The following USH2A variants were observed in gnomAD, a reference collection of about 807,000 sequenced individuals.
The protein encoded by USH2A is Usher syndrome 2A (autosomal recessive, mild).
In USH2A, 443 loss-of-function variants were observed where a neutral mutation model predicts 538.9. The observed-to-expected ratio is 0.82, with a 90% CI of 0.76 to 0.89. USH2A has a LOEUF of 0.89. USH2A is among the 40% of genes least tolerant of loss of function. USH2A has a pLI of 0.00. For synonymous variants in USH2A, 2,413 were observed against 2,273.5 expected, an observed-to-expected ratio of 1.06 and a Z score of -1.75; for missense variants, 6,633 against 6,324.8, an observed-to-expected ratio of 1.05 and a Z score of -1.65.
chr1:216,071,551 C>T (rs950947526), intron 29 of USH2A, among the ~76,000 whole-genome samples: 29 of 152,266 alleles, frequency 1.9e-4, no homozygotes, highest in African/African-American at 6.3e-4. Flanking sequence ...CATGTAGCTG[C>T]TCAGTGTTGT....
At chr1:215,685,351 GTTGT>G (rs1658388390) in intron 61 of USH2A, among the ~76,000 whole-genome samples, 5 of 82,302 alleles carry the variant, frequency 6.1e-5, no homozygotes, top group African/African-American at 1.6e-4. Context: ...TTTTGTTGTT[GTTGT>G]TTTTTTTTTT....
chr1:215,869,819 G>T (rs1479965085), intron 43 of USH2A, among the ~76,000 whole-genome samples: 1 of 152,054 alleles, frequency 6.6e-6, no homozygotes, highest in Non-Finnish European at 1.5e-5. Flanking sequence ...GCGCTAAAAT[G>T]GTTGATTGTA....
intron 61 of USH2A, among the ~76,000 whole-genome samples, chr1:215,711,848 A>C (rs1462108949): frequency 1.3e-5 from 2 of 152,180 alleles, no homozygotes; most frequent in African/African-American, 4.8e-5. Flanking sequence ...CCCTATTCAC[A>C]CTTCCCTCCC....
intron 3 of USH2A, among the ~76,000 whole-genome samples, chr1:216,383,791 T>C (rs1177906863): frequency 2.0e-5 from 3 of 152,016 alleles, no homozygotes; most frequent in African/African-American, 7.2e-5. Context: ...CTTCCCATCT[T>C]AGCCTTCTGA....
At chr1:215,780,068 T>C in intron 54 of USH2A, 27 bp from the exon 55 acceptor site, 1 of 1,612,198 alleles carries the variant, frequency 6.2e-7, no homozygotes, top group Non-Finnish European at 8.5e-7. Context: ...TAAGCAGCAA[T>C]TTATTGTAAT....
rs1656147061 is a variant in USH2A, at chr1:215,628,703, G to A, written c.15519+111C>T. The A allele has an allele frequency of 1.1e-5, 12 of 1,110,346 alleles. No individual in the cohort carries two copies. The South Asian group carries it at 1.5e-4, about 14-fold the overall frequency. The allele number at this position is 1,110,346 out of a possible 1,614,324, so 68.8% of individuals were successfully genotyped here. A position where few individuals can be genotyped will look rare whatever the true frequency, so the allele number is the denominator to read the frequency against. On this transcript the variant is annotated intron_variant, in intron 71 of 71. Coordinates refer to ENST00000307340, the MANE Select transcript of USH2A (RefSeq NM_206933.4). ...CGGTTGTTACTACCTCACTGGCTAA[G>A]TGCTCAGAGGCGAGTGCCATGGGGC...
intron 4 of USH2A, among the ~76,000 whole-genome samples, chr1:216,339,945 A>T (rs966759602): frequency 2.0e-5 from 3 of 151,962 alleles, no homozygotes; most frequent in African/African-American, 7.2e-5. Context: ...AAGAGCAAAC[A>T]AATAAAAAAA....
Position 216,347,799 on chromosome 1 carries a change from C to G in USH2A, c.784+17154G>C, listed in dbSNP as rs542375319. Among the ~76,000 whole-genome samples the G allele has an allele frequency of 1.3e-5, 2 of 152,112 alleles. 1 individual carries two copies. The highest frequency in any genetic ancestry group is 4.8e-5 in the African/African-American group (2 of 41,516). ...AGAAAATTGTTGACCTGTTTTAATC[C>G]TCTTTAAAAAGTAAGTTTAGAGTCA... On this transcript the variant is annotated intron_variant, in intron 4 of 71. Transcript: ENST00000307340.
chr1:215,693,104 G>GTGTA (rs1473042448), intron 61 of USH2A, among the ~76,000 whole-genome samples: 1 of 107,786 alleles, frequency 9.3e-6, no homozygotes. Context: ...GTGTGTGTGT[G>GTGTA]TGTGTGTATG....
At chr1:215,911,421 T>C (rs1308494266) in intron 38 of USH2A, among the ~76,000 whole-genome samples, 2 of 151,882 alleles carry the variant, frequency 1.3e-5, no homozygotes, top group Admixed American at 6.6e-5. Flanking sequence ...ATTGCTTTGA[T>C]TTTTAGATCC....
At chr1:215,994,514 A>G (rs1216222313) in intron 34 of USH2A, among the ~76,000 whole-genome samples, 2 of 149,524 alleles carry the variant, frequency 1.3e-5, no homozygotes, top group Non-Finnish European at 3.0e-5. Flanking sequence ...ACTTGCTATT[A>G]CAAGACTATA....
intron 44 of USH2A, among the ~76,000 whole-genome samples, chr1:215,861,037 C>T (rs1664299944): frequency 6.6e-6 from 1 of 152,126 alleles, no homozygotes; most frequent in African/African-American, 2.4e-5. Context: ...TTTACTCTGC[C>T]TGAGGGTACT....
rs754979740 is a variant in USH2A at position 215,680,331 on chromosome 1, T to C, written c.12112A>G (p.Thr4038Ala). 71 of 1,613,986 alleles carry C rather than the reference T, an allele frequency of 4.4e-5. No homozygotes were observed. In the Middle Eastern group the frequency reaches 9.9e-4, roughly 22 times the overall value. Residue 4038 changes from threonine (T) to alanine (A), a missense_variant, in exon 62 of 72, where the codon ACA becomes GCA. By Grantham distance (58) the Thr-to-Ala change is moderately conservative (BLOSUM62 0). Coordinates refer to ENST00000307340, the MANE Select transcript of USH2A (RefSeq NM_206933.4). ...AHLYGLEPFT[T>A]YRIGVVAANH... ...GCAGCCACAACACCAATGCGATATGTTGTGAATGGTTCTAACCCGTACAGG... is the reference window on the plus strand; with the variant it reads ...GCAGCCACAACACCAATGCGATATGCTGTGAATGGTTCTAACCCGTACAGG...
intron 13 of USH2A, among the ~76,000 whole-genome samples, chr1:216,246,233 T>C (rs2036042350): frequency 6.6e-6 from 1 of 152,204 alleles, no homozygotes; most frequent in Non-Finnish European, 1.5e-5. Flanking sequence ...TGTATGGATA[T>C]TCAACTCAAA....
chr1:215,918,597 C>T (rs912127679), intron 38 of USH2A, among the ~76,000 whole-genome samples: 3 of 152,074 alleles, frequency 2.0e-5, no homozygotes, highest in African/African-American at 7.2e-5. Flanking sequence ...GTTGTAGCCG[C>T]CTAAACGGAC....
At chr1:216,359,582 C>T (rs568376489) in intron 4 of USH2A, among the ~76,000 whole-genome samples, 2 of 144,870 alleles carry the variant, frequency 1.4e-5, no homozygotes, top group South Asian at 4.2e-4. Context: ...TCTAATAACT[C>T]AGGTCATACA....
chr1:216,352,728 GA>G (rs1365780484), intron 4 of USH2A, among the ~76,000 whole-genome samples: 1 of 152,052 alleles, frequency 6.6e-6, no homozygotes, highest in African/African-American at 2.4e-5. Flanking sequence ...GTAAATTGGG[GA>G]AAAATGAGGC....
At chr1:215,676,550 C>A (rs1354617513) in intron 62 of USH2A, among the ~76,000 whole-genome samples, 1 of 152,154 alleles carries the variant, frequency 6.6e-6, no homozygotes, top group Non-Finnish European at 1.5e-5. Context: ...GAAACATTCC[C>A]AGAAGTGGTT....
chr1:216,150,767 C>G (rs1008274627), intron 21 of USH2A, among the ~76,000 whole-genome samples: 3 of 152,172 alleles, frequency 2.0e-5, no homozygotes, highest in Non-Finnish European at 4.4e-5. Flanking sequence ...ACACAAACTA[C>G]TATTCCTGTG....
Sources: allele counts gnomAD v4.1 joint callset (sites outside exome capture counted in the v4.1 genomes callset), GRCh38; gene constraint gnomAD v4.1.1; transcripts MANE v1.5; gene names NCBI Gene and HGNC (gene_info 2026-07-23, HGNC 2026-07-21).